The following VPS35 variants were observed in gnomAD, a reference collection of about 807,000 sequenced individuals.
VPS35 encodes VPS35 retromer complex component, also known as vacuolar protein sorting-associated protein 35.
VPS35 carries 21 observed loss-of-function variants against 98.1 expected under a neutral mutation model. That is an observed-to-expected ratio of 0.21 (90% CI 0.15 to 0.31). The LOEUF is 0.31. Among genes scored for constraint, VPS35 ranks in the 10% least tolerant of loss-of-function variants. The pLI is 1.00. For synonymous variants in VPS35, 268 were observed against 318.2 expected (o/e 0.84, Z 1.68); for missense variants, 554 against 950.8 (o/e 0.58, Z 5.49).
chr16:46,686,548 C>T (rs929591251), intron 1 of VPS35, among the ~76,000 whole-genome samples: 1 of 152,134 alleles, frequency 6.6e-6, no homozygotes, highest in African/African-American at 2.4e-5. Flanking sequence ...AAGTAAGCTA[C>T]AAGTGAAGAC....
At chr16:46,680,545 T>G in intron 5 of VPS35, 126 bp downstream of exon 5, 1 of 996,218 alleles carries the variant, frequency 1.0e-6, no homozygotes, top group Non-Finnish European at 1.5e-6. Flanking sequence ...TATATACAAA[T>G]GCTACCTAAA....
At chr16:46,674,075 C>G (rs1409710222) in intron 10 of VPS35, 4 of 507,914 alleles carry the variant, frequency 7.9e-6, no homozygotes, top group Non-Finnish European at 1.4e-5. Flanking sequence ...GAAAGGGATC[C>G]AAATTGGAGA....
Position 46,680,871 on chromosome 16 carries a change from A to C in VPS35, c.324-18T>G. On this transcript the variant is annotated intron_variant, in intron 4 of 16. Transcript: ENST00000299138. ...AAAGGTAACTAGGAAAATTATGAAG[A>C]AATGCTGATTAGAAATAAAATATTC... 4 of 1,608,356 alleles carry C rather than the reference A, an allele frequency of 2.5e-6. No individual in the cohort carries two copies. Among genetic ancestry groups the C allele is most frequent in the Non-Finnish European group, 3.4e-6 (4 of 1,174,822 alleles).
chr16:46,662,702 G>A (rs989057937), intron 14 of VPS35, among the ~76,000 whole-genome samples: 3 of 152,044 alleles, frequency 2.0e-5, no homozygotes, highest in African/African-American at 7.2e-5. Context: ...TTTAACCCAG[G>A]GTTCCCAAAC....
chr16:46,679,069 C>T lies in VPS35; in HGVS notation c.594G>A (p.Gln198=). 1.2e-6 allele frequency: 2 copies of T among 1,614,108 alleles called. No homozygotes were observed. Among genetic ancestry groups the T allele is most frequent in the Non-Finnish European group, 1.7e-6 (2 of 1,180,020 alleles). The change falls in exon 6 of 17, where the codon CAG becomes CAA. Residue 198 remains glutamine, a synonymous_variant. Coordinates refer to ENST00000299138, the MANE Select transcript of VPS35 (RefSeq NM_018206.6). The part of the protein sequence containing the change: ...AEMNKLWVRM[Q]HQGHSRDREK... ...CTCTATCTCGGCTATGTCCCTGATG[C>T]TGCATTCGCACCCAGAGCTTGTTCA... is the stretch of plus-strand genomic sequence containing the variant.
chr16:46,677,494 G>C (rs574891152), intron 6 of VPS35, 96 bp from the exon 7 acceptor site: 1 of 1,027,268 alleles, frequency 9.7e-7, no homozygotes, highest in Non-Finnish European at 1.5e-6. Flanking sequence ...CTTGAAAATC[G>C]TATTTGAGAT....
intron 3 of VPS35, 110 bp from the exon 4 acceptor site, chr16:46,681,610 C>G: frequency 7.6e-7 from 1 of 1,319,234 alleles, no homozygotes; most frequent in Non-Finnish European, 1.1e-6. Flanking sequence ...AGTTTTAGTC[C>G]TTTAAGAAAG....
chr16:46,671,199 C>T (rs1966063304), intron 12 of VPS35, among the ~76,000 whole-genome samples: 1 of 151,480 alleles, frequency 6.6e-6, no homozygotes, highest in South Asian at 2.1e-4. Context: ...CTCACATTTT[C>T]AATATGACAA....
In VPS35 at chr16:46,661,217, C is replaced by T. The variant is rs976390502; in HGVS notation, c.2211+501G>A. On this transcript the variant is annotated intron_variant, in intron 16 of 16. Transcript: ENST00000299138. This position sits in a 1 kb window ranked among gnomAD's most constrained non-coding sequence, Gnocchi z 4.3. ...AAACTGTATTGCTAAAAGGATACTG[C>T]GTTTAGGAATTATTATTATTATTAT... Among the ~76,000 whole-genome samples the T allele has an allele frequency of 4.6e-5, 7 of 152,056 alleles. No homozygotes were observed. Among genetic ancestry groups the T allele is most frequent in the Non-Finnish European group, 8.8e-5 (6 of 68,012 alleles).
In VPS35 at chr16:46,660,481, G is replaced by A. The variant is rs776023975; in HGVS notation, c.2382C>T (p.Leu794=). 1 of 1,613,888 alleles carries A rather than the reference G, an allele frequency of 6.2e-7. No individual in the cohort carries two copies. Among genetic ancestry groups the A allele is most frequent in the South Asian group, 1.1e-5 (1 of 91,086 alleles). Residue 794 remains leucine (L), a synonymous_variant, in exon 17 of 17, where the codon CTC becomes CTT. Coordinates refer to ENST00000299138, the MANE Select transcript of VPS35 (RefSeq NM_018206.6). ...GTGAGCTATTTCCTTTTTAAAGGAT[G>A]AGACCTTCATAAATTGGCCCCTCGG... ...PESEGPIYEG[L]IL is the part of the protein sequence containing the mutation.
chr16:46,661,707 A>G lies in VPS35; in HGVS notation c.2211+11T>C, dbSNP rs375273548. ...ATTAGTTTATTAACAACACTTTACT[A>G]ATTCACTTACCGCATCATTTTCCTT... On this transcript the variant is annotated intron_variant, in intron 16 of 16. Coordinates refer to ENST00000299138, the MANE Select transcript of VPS35 (RefSeq NM_018206.6). This position sits in a 1 kb window ranked among gnomAD's most constrained non-coding sequence, Gnocchi z 4.3. 11 of 1,596,696 alleles carry G rather than the reference A, an allele frequency of 6.9e-6. No individual in the cohort carries two copies. Among genetic ancestry groups the G allele is most frequent in the Non-Finnish European group, 8.6e-6 (10 of 1,164,440 alleles).
chr16:46,664,149 C>T (rs1965954522), intron 13 of VPS35, among the ~76,000 whole-genome samples: 1 of 152,004 alleles, frequency 6.6e-6, no homozygotes, highest in Non-Finnish European at 1.5e-5. Flanking sequence ...TAAATGTCTT[C>T]CTTTCTTTTT....
rs1210104555 is a variant in VPS35, at chr16:46,656,747, C to G, written c.*3725G>C. On this transcript the variant is annotated 3_prime_UTR_variant, in exon 17 of 17. Coordinates refer to ENST00000299138, the MANE Select transcript of VPS35 (RefSeq NM_018206.6). ...TCTGGCTGGGCAAGGTGGCTCATGC[C>G]TGTAATTCCAGCACTTTGGGAGGCT... 1 of 152,456 alleles carries G rather than the reference C, an allele frequency of 6.6e-6. No homozygotes were observed. 9.4% of individuals were successfully genotyped at this position (152,456 alleles called of 1,614,324 possible).
intron 10 of VPS35, among the ~76,000 whole-genome samples, chr16:46,672,712 A>G (rs888535759): frequency 1.3e-5 from 2 of 152,238 alleles, no homozygotes; most frequent in Non-Finnish European, 2.9e-5. Context: ...TACAGTTTCC[A>G]ACTCATGAAC....
At chr16:46,685,045 A>C (rs772688419) in intron 1 of VPS35, among the ~76,000 whole-genome samples, 6 of 152,228 alleles carry the variant, frequency 3.9e-5, no homozygotes, top group Non-Finnish European at 7.3e-5. Flanking sequence ...CTTAATGGGC[A>C]CTGGCTTTCT....
chr16:46,688,903 C>A (rs1198938450), intron 1 of VPS35: 12 of 1,453,546 alleles, frequency 8.3e-6, no homozygotes, highest in East Asian at 2.5e-5. Flanking sequence ...GAGGCCGCCC[C>A]GTCTCTCAGC....
intron 6 of VPS35, 25 bp downstream of exon 6, chr16:46,678,918 G>A: frequency 6.2e-7 from 1 of 1,607,646 alleles, no homozygotes; most frequent in South Asian, 1.1e-5. Context: ...CTGAACATAA[G>A]AAGAGGTAAC....
intron 14 of VPS35, 106 bp downstream of exon 14, chr16:46,662,877 A>G (rs1306700245): frequency 2.4e-6 from 3 of 1,258,502 alleles, no homozygotes; most frequent in Admixed American, 3.6e-5. Flanking sequence ...GTAGTTACAC[A>G]TTCAGTAAAA....
chr16:46,666,724 G>A (rs1278715995), intron 13 of VPS35, among the ~76,000 whole-genome samples: 1 of 152,144 alleles, frequency 6.6e-6, no homozygotes, highest in Non-Finnish European at 1.5e-5. Flanking sequence ...ATTAATCCCT[G>A]TTGTCATAAA....
Sources: allele counts gnomAD v4.1 joint callset (sites outside exome capture counted in the v4.1 genomes callset), GRCh38; gene constraint gnomAD v4.1.1; non-coding constraint Gnocchi (gnomAD v3.1); transcripts MANE v1.5; gene names NCBI Gene and HGNC (gene_info 2026-07-23, HGNC 2026-07-21).